The following DGKB variants were observed in gnomAD, a reference collection of about 807,000 sequenced individuals.
The protein encoded by DGKB is diacylglycerol kinase beta.
In DGKB, 67 loss-of-function variants were observed where a neutral mutation model predicts 114.3. The observed-to-expected ratio is 0.59, with a 90% CI of 0.48 to 0.72. DGKB has a LOEUF of 0.72. Ranked by LOEUF, DGKB falls within the 30% of genes least tolerant of loss-of-function variation. The pLI, the probability that DGKB is intolerant of heterozygous loss-of-function variation, is 0.00. For missense variants in DGKB, 907 were observed against 975.2 expected, an observed-to-expected ratio of 0.93 and a Z score of 0.93; for synonymous variants, 398 against 323.1, an observed-to-expected ratio of 1.23 and a Z score of -2.49.
intron 13 of DGKB, among the ~76,000 whole-genome samples, chr7:14,630,634 G>C (rs1032763624): frequency 1.3e-5 from 2 of 151,700 alleles, no homozygotes; most frequent in African/African-American, 4.8e-5. Flanking sequence ...TCATTTTGAA[G>C]TCCAACTCTC....
At chr7:14,896,622 CTGTT>C (rs1178911713) in intron 1 of DGKB, among the ~76,000 whole-genome samples, 1 of 151,456 alleles carries the variant, frequency 6.6e-6, no homozygotes, top group Non-Finnish European at 1.5e-5. Context: ...TATGTGTATT[CTGTT>C]TAAGCCCCTT....
intron 23 of DGKB, among the ~76,000 whole-genome samples, chr7:14,181,402 GTA>G (rs1782618327): frequency 6.6e-6 from 1 of 152,184 alleles, no homozygotes; most frequent in African/African-American, 2.4e-5. Flanking sequence ...CACAGTGTAT[GTA>G]ACCATGCATA....
At chr7:14,570,627 A>G (rs1798242529) in intron 20 of DGKB, among the ~76,000 whole-genome samples, 1 of 152,148 alleles carries the variant, frequency 6.6e-6, no homozygotes, top group South Asian at 2.1e-4. Context: ...AGAAAATTAT[A>G]AGAAAGAGAA....
intron 25 of DGKB, among the ~76,000 whole-genome samples, chr7:14,172,055 G>A (rs553793620): frequency 6.6e-6 from 1 of 152,306 alleles, no homozygotes; most frequent in South Asian, 2.1e-4. Context: ...TGGAAGGAGG[G>A]GTTGTGCTCA....
At chr7:14,557,433 G>GA (rs1335031809) in intron 20 of DGKB, among the ~76,000 whole-genome samples, 1 of 151,982 alleles carries the variant, frequency 6.6e-6, no homozygotes, top group African/African-American at 2.4e-5. Flanking sequence ...TTTTAGGGGA[G>GA]AAAAAAGCTT....
At chr7:14,350,213 G>C (rs1385240907) in intron 21 of DGKB, among the ~76,000 whole-genome samples, 2 of 152,052 alleles carry the variant, frequency 1.3e-5, no homozygotes, top group African/African-American at 2.4e-5. Context: ...CAGAGACTTT[G>C]TTCAAGCAAA....
intron 21 of DGKB, among the ~76,000 whole-genome samples, chr7:14,387,357 C>G (rs4721333): frequency 0.97 from 144,537 of 148,690 alleles, 70,353 homozygotes; most frequent in Non-Finnish European, 1. Context: ...AGGCTGCAGT[C>G]AGCTGAGACG....
chr7:14,912,917 G>A (rs529506326), intron 1 of DGKB, among the ~76,000 whole-genome samples: 1 of 152,202 alleles, frequency 6.6e-6, no homozygotes, highest in South Asian at 2.1e-4. Flanking sequence ...TATTTTAAAT[G>A]AATATTCCTT....
chr7:14,696,267 G>A (rs1823867780), intron 8 of DGKB, among the ~76,000 whole-genome samples: 1 of 152,104 alleles, frequency 6.6e-6, no homozygotes, highest in South Asian at 2.1e-4. Flanking sequence ...GCCGAGGCGG[G>A]TGGATCAGGA....
At chr7:14,951,508 G>A (rs1280647687) in intron 1 of DGKB, among the ~76,000 whole-genome samples, 1 of 151,904 alleles carries the variant, frequency 6.6e-6, no homozygotes, top group East Asian at 1.9e-4. Flanking sequence ...TAAGATGGAG[G>A]AAAAAGAGAT....
chr7:14,804,070 G>GGGGTGTGT lies in DGKB; in HGVS notation c.70+37123_70+37124insACACACCC, dbSNP rs1554282561. On this transcript the variant is annotated intron_variant, in intron 2 of 25. Coordinates refer to ENST00000402815, the MANE Select transcript of DGKB (RefSeq NM_001350709.2). ...TTCTTCACATTGACTTCACTTTTTG[G>GGGGTGTGT]GTGTGTGTGTGTGTGTGTGTGTGTG... Among the ~76,000 whole-genome samples, 31 of 146,610 alleles carry GGGGTGTGT rather than the reference G, an allele frequency of 2.1e-4. 1 individual carries two copies. In the South Asian group the frequency reaches 2.4e-3, roughly 11 times the overall value.
chr7:14,645,821 T>C (rs1812872151), intron 13 of DGKB, among the ~76,000 whole-genome samples: 1 of 151,920 alleles, frequency 6.6e-6, no homozygotes, highest in African/African-American at 2.4e-5. Context: ...AGACTGGATA[T>C]ACAAGAAATA....
intron 2 of DGKB, among the ~76,000 whole-genome samples, chr7:14,764,862 A>C (rs1251344961): frequency 1.3e-5 from 2 of 151,956 alleles, no homozygotes; most frequent in Non-Finnish European, 2.9e-5. Context: ...AGAGAGATCC[A>C]GAAAATAATA....
chr7:14,355,089 TC>T lies in DGKB; in HGVS notation c.1836-9699del, dbSNP rs561623187. ...AGCAAATAGCAGAAGAATTGCTTGT[TC>T]CCCCATCCTCTTTCTGCCATTCACC... On this transcript the variant is annotated intron_variant, in intron 21 of 25. Coordinates refer to ENST00000402815, the MANE Select transcript of DGKB (RefSeq NM_001350709.2). Among the ~76,000 whole-genome samples, 10 of 152,216 alleles carry T rather than the reference TC, an allele frequency of 6.6e-5. No individual in the cohort carries two copies. The South Asian group carries it at 1.0e-3, about 16-fold the overall frequency.
At chr7:14,872,265 A>G (rs755686308) in intron 1 of DGKB, among the ~76,000 whole-genome samples, 8 of 152,220 alleles carry the variant, frequency 5.3e-5, no homozygotes, top group Non-Finnish European at 1.2e-4. Flanking sequence ...AACAGGAATA[A>G]CAAACATACG....
intron 3 of DGKB, among the ~76,000 whole-genome samples, chr7:14,755,994 G>T (rs913174809): frequency 6.6e-6 from 1 of 152,062 alleles, no homozygotes; most frequent in Non-Finnish European, 1.5e-5. Flanking sequence ...GTCTAATAAT[G>T]ATCTAATAAC....
At chr7:14,266,035 C>T (rs757251582) in intron 23 of DGKB, among the ~76,000 whole-genome samples, 1 of 152,108 alleles carries the variant, frequency 6.6e-6, no homozygotes, top group East Asian at 1.9e-4. Context: ...GTAAATGCTA[C>T]TGAGTGCATG....
chr7:14,300,102 A>G (rs1803261087), intron 23 of DGKB, among the ~76,000 whole-genome samples: 1 of 152,122 alleles, frequency 6.6e-6, no homozygotes, highest in Admixed American at 6.6e-5. Context: ...AAAATAGTAT[A>G]AAATACTATA....
chr7:14,504,531 T>C (rs12533779), intron 20 of DGKB, among the ~76,000 whole-genome samples: 12,920 of 152,200 alleles, frequency 0.085, 961 homozygotes, highest in East Asian at 0.44. Context: ...GCTTTGTGAT[T>C]CACAGAATGT....
Sources: gnomAD v4.1 joint callset for allele counts (sites outside exome capture counted in the v4.1 genomes callset) on GRCh38, gnomAD v4.1.1 for gene constraint, MANE v1.5 for transcripts, NCBI Gene and HGNC (gene_info 2026-07-23, HGNC 2026-07-21) for gene names.